Variants in RPS6KA5 observed in about 807,000 individuals in gnomAD.
The protein encoded by RPS6KA5 is ribosomal protein S6 kinase alpha-5.
In RPS6KA5, 27 loss-of-function variants were observed where a neutral mutation model predicts 85.5. The observed-to-expected ratio is 0.32, with a 90% CI of 0.23 to 0.44. RPS6KA5 has a LOEUF of 0.44. RPS6KA5 is among the 20% of genes least tolerant of loss of function. The probability of loss-of-function intolerance (pLI) is 1.00; values close to 1 mark genes in which losing one functional copy is unlikely to be tolerated. For synonymous variants in RPS6KA5, 334 were observed against 348.2 expected, an observed-to-expected ratio of 0.96 and a Z score of 0.46; for missense variants, 811 against 980.9, an observed-to-expected ratio of 0.83 and a Z score of 2.31.
chr14:90,909,850 G>T (rs994373440), intron 7 of RPS6KA5, among the ~76,000 whole-genome samples: 1 of 152,074 alleles, frequency 6.6e-6, no homozygotes, highest in South Asian at 2.1e-4. Context: ...GGAGTGCAGT[G>T]GCGCAATTCT....
chr14:90,983,030 A>G (rs568594628), intron 2 of RPS6KA5, among the ~76,000 whole-genome samples: 197 of 151,658 alleles, frequency 1.3e-3, no homozygotes, highest in Middle Eastern at 6.8e-3. Context: ...GGAGGATGGC[A>G]TGAACCCAGG....
intron 1 of RPS6KA5, among the ~76,000 whole-genome samples, chr14:91,037,071 C>A (rs2042436738): frequency 6.6e-6 from 1 of 152,172 alleles, no homozygotes; most frequent in Non-Finnish European, 1.5e-5. Flanking sequence ...GTCACTGAGT[C>A]TTCAAGGAGA....
chr14:90,910,939 C>A (rs551648579), intron 7 of RPS6KA5, among the ~76,000 whole-genome samples: 35 of 152,280 alleles, frequency 2.3e-4, no homozygotes, highest in African/African-American at 8.4e-4. Context: ...CCCACCTCGG[C>A]CTCCCAAAGT....
chr14:91,010,508 G>C (rs1307368748), intron 1 of RPS6KA5, among the ~76,000 whole-genome samples: 1 of 152,148 alleles, frequency 6.6e-6, no homozygotes, highest in Non-Finnish European at 1.5e-5. Context: ...AGGATGGTTT[G>C]AAACCCCTAA....
rs2032712751 is a variant in RPS6KA5, at chr14:90,864,416, A to G, written c.*7658T>C. The G allele has an allele frequency of 6.6e-6, 1 of 152,246 alleles. No individual in the cohort carries two copies. The highest frequency in any genetic ancestry group is 1.5e-5 in the Non-Finnish European group (1 of 68,048). 9.4% of individuals were successfully genotyped at this position (152,246 alleles called of 1,614,324 possible). A position where few individuals can be genotyped will look rare whatever the true frequency, so the allele number is the denominator to read the frequency against. On this transcript the variant is annotated 3_prime_UTR_variant, in exon 17 of 17. Coordinates refer to ENST00000614987, the MANE Select transcript of RPS6KA5 (RefSeq NM_004755.4). ...TGGCCTCCCAAAGCACTAGGATTAC[A>G]GGCATGAGCCACCTCACCCGGCCAA...
chr14:91,058,761 T>C (rs1434871551), intron 1 of RPS6KA5, among the ~76,000 whole-genome samples: 2 of 152,146 alleles, frequency 1.3e-5, no homozygotes, highest in African/African-American at 4.8e-5. Flanking sequence ...CTCAAAAATA[T>C]GGAACAGCTG....
Position 91,033,278 on chromosome 14 carries a change from T to A in RPS6KA5, c.103+27054A>T, listed in dbSNP as rs540471338. ...AAATCACAATAAGATGACAGTAAGA[T>A]TCATCCCTATCAGATTGGAAAAGAT... On this transcript the variant is annotated intron_variant, in intron 1 of 16. Transcript: ENST00000614987. Among the ~76,000 whole-genome samples, 11 of 152,020 alleles carry A rather than the reference T, an allele frequency of 7.2e-5. No homozygotes were observed. The South Asian group carries it at 2.3e-3, about 32-fold the overall frequency.
intron 3 of RPS6KA5, among the ~76,000 whole-genome samples, chr14:90,965,136 C>G (rs1315441521): frequency 1.3e-5 from 2 of 152,226 alleles, no homozygotes; most frequent in East Asian, 3.9e-4. Context: ...TGGCTCATGC[C>G]TGTAATCCCA....
chr14:90,891,755 T>C (rs1787849634), intron 13 of RPS6KA5, among the ~76,000 whole-genome samples: 1 of 152,222 alleles, frequency 6.6e-6, no homozygotes, highest in Admixed American at 6.5e-5. Context: ...TTAAATTTTC[T>C]AGCATACATT....
At chr14:90,924,345 G>A (rs968162146) in intron 5 of RPS6KA5, among the ~76,000 whole-genome samples, 3 of 151,966 alleles carry the variant, frequency 2.0e-5, no homozygotes, top group African/African-American at 7.3e-5. Context: ...ATCACCAATT[G>A]TAACTTTTGA....
intron 14 of RPS6KA5, among the ~76,000 whole-genome samples, chr14:90,885,923 T>C (rs2034196812): frequency 6.6e-6 from 1 of 151,882 alleles, no homozygotes. Flanking sequence ...AGATCCCTTT[T>C]CTGGAAAAGG....
intron 8 of RPS6KA5, among the ~76,000 whole-genome samples, chr14:90,904,237 A>G (rs1264179628): frequency 6.6e-6 from 1 of 152,218 alleles, no homozygotes; most frequent in Non-Finnish European, 1.5e-5. Context: ...GTTAAGCCAA[A>G]AAGAAAACAA....
chr14:91,043,450 C>T (rs985181283), intron 1 of RPS6KA5, among the ~76,000 whole-genome samples: 1 of 152,176 alleles, frequency 6.6e-6, no homozygotes, highest in African/African-American at 2.4e-5. Flanking sequence ...GGCCTTGTGG[C>T]CAAACTGCTT....
At chr14:91,056,757 T>C (rs2043333800) in intron 1 of RPS6KA5, among the ~76,000 whole-genome samples, 1 of 151,082 alleles carries the variant, frequency 6.6e-6, no homozygotes, top group Non-Finnish European at 1.5e-5. Context: ...AATATCCTTT[T>C]TGTTATTGTT....
intron 1 of RPS6KA5, among the ~76,000 whole-genome samples, chr14:91,027,580 C>T (rs1188450233): frequency 1.3e-5 from 2 of 152,178 alleles, no homozygotes; most frequent in Non-Finnish European, 2.9e-5. Flanking sequence ...TCATAATTAT[C>T]TACATTATAT....
At chr14:91,059,848 C>T (rs533041344) in intron 1 of RPS6KA5, among the ~76,000 whole-genome samples, 5 of 152,362 alleles carry the variant, frequency 3.3e-5, no homozygotes, top group Non-Finnish European at 7.3e-5. Context: ...TTATCTCCTA[C>T]AGGACCCCAG....
chr14:91,034,446 G>T (rs1169860671), intron 1 of RPS6KA5, among the ~76,000 whole-genome samples: 2 of 152,054 alleles, frequency 1.3e-5, no homozygotes, highest in Non-Finnish European at 2.9e-5. Flanking sequence ...ACCAATCAGT[G>T]CTCTGTGTCT....
At chr14:91,038,858 A>ACAGAAGG (rs888472565) in intron 1 of RPS6KA5, among the ~76,000 whole-genome samples, 1 of 152,146 alleles carries the variant, frequency 6.6e-6, no homozygotes, top group African/African-American at 2.4e-5. Flanking sequence ...CAAACCCACC[A>ACAGAAGG]CAGAAGGTAT....
At chr14:91,043,856 C>T (rs929040541) in intron 1 of RPS6KA5, among the ~76,000 whole-genome samples, 1 of 152,126 alleles carries the variant, frequency 6.6e-6, no homozygotes, top group African/African-American at 2.4e-5. Flanking sequence ...GTGAATATCA[C>T]GAAATCACAC....
Sources: gnomAD v4.1 joint callset for allele counts (sites outside exome capture counted in the v4.1 genomes callset) on GRCh38, gnomAD v4.1.1 for gene constraint, MANE v1.5 for transcripts, NCBI Gene and HGNC (gene_info 2026-07-23, HGNC 2026-07-21) for gene names.